The following LURAP1 variants were observed in gnomAD, a reference collection of about 807,000 sequenced individuals.
LURAP1 encodes the protein NF-kappa-B activator C1orf190.
LURAP1 carries 14 observed loss-of-function variants against 19.0 expected under a neutral mutation model. The observed-to-expected ratio is 0.74, with a 90% CI of 0.49 to 1.15. The LOEUF is 1.15. LURAP1 is among the 50% of genes most tolerant of loss of function. The pLI is 0.00. For synonymous variants in LURAP1, 129 were observed against 131.8 expected, an observed-to-expected ratio of 0.98 and a Z score of 0.14; for missense variants, 273 against 309.1, an observed-to-expected ratio of 0.88 and a Z score of 0.87.
intron 1 of LURAP1, among the ~76,000 whole-genome samples, chr1:46,210,699 A>G (rs893648738): frequency 6.6e-6 from 1 of 152,168 alleles, no homozygotes. Flanking sequence ...AGGGGTGCGG[A>G]ACTTCTGTGC....
chr1:46,213,116 T>C (rs1200061875), intron 1 of LURAP1, among the ~76,000 whole-genome samples: 1 of 152,048 alleles, frequency 6.6e-6, no homozygotes, highest in East Asian at 1.9e-4. Context: ...TATGCACATA[T>C]ATATAAACAT....
chr1:46,203,345 G>T lies in LURAP1; in HGVS notation c.-82G>T, dbSNP rs1571679540. ...GGCGGGGACCCACCGGTTTTGCTCC[G>T]CTTTAGCAGCGGCGAAGGGAGGACC... On this transcript the variant is annotated 5_prime_UTR_variant, in exon 1 of 2. Coordinates refer to ENST00000371980, the MANE Select transcript of LURAP1 (RefSeq NM_001013615.3). 1.5e-6 allele frequency: 2 copies of T among 1,333,790 alleles called. No individual in the cohort carries two copies. The highest frequency in any genetic ancestry group is 3.0e-5 in the Admixed American group (1 of 33,804). 82.6% of individuals were successfully genotyped at this position (1,333,790 alleles called of 1,614,324 possible). A position where few individuals can be genotyped will look rare whatever the true frequency, so the allele number is the denominator to read the frequency against.
At chr1:46,205,039 C>G (rs1553165003) in intron 1 of LURAP1, among the ~76,000 whole-genome samples, 1 of 152,154 alleles carries the variant, frequency 6.6e-6, no homozygotes, top group Non-Finnish European at 1.5e-5. Context: ...AGGCAGATCG[C>G]TTGAGCCCAG....
In LURAP1 at chr1:46,219,848, C is replaced by G; in HGVS notation, c.348C>G (p.Gly116=). 2.5e-6 allele frequency: 4 copies of G among 1,614,076 alleles called. No homozygotes were observed. The highest frequency in any genetic ancestry group is 2.5e-6 in the Non-Finnish European group (3 of 1,179,978). ...CCAGCAGTCAATATAGCCTGACAGGCGGGAGCCCAGGCCGCTCAAGGCGAG... is the reference window on the plus strand; with the variant it reads ...CCAGCAGTCAATATAGCCTGACAGGGGGGAGCCCAGGCCGCTCAAGGCGAG... ...SLTSSQYSLT[G]GSPGRSRRGS... The change falls in exon 2 of 2, where the codon GGC becomes GGG. Residue 116 remains glycine, a synonymous_variant. Transcript: ENST00000371980.
chr1:46,214,867 CAA>C (rs5773905), intron 1 of LURAP1, among the ~76,000 whole-genome samples: 8 of 89,514 alleles, frequency 8.9e-5, no homozygotes, highest in African/African-American at 3.9e-4. Context: ...GACTCCATCT[CAA>C]AAAAAAAAAA....
At chr1:46,210,879 A>G (rs771983459) in intron 1 of LURAP1, among the ~76,000 whole-genome samples, 7 of 151,564 alleles carry the variant, frequency 4.6e-5, no homozygotes, top group South Asian at 2.1e-4. Flanking sequence ...GGCTCAATCA[A>G]TCCTCCCAGT....
intron 1 of LURAP1, among the ~76,000 whole-genome samples, chr1:46,214,682 A>T (rs1207271026): frequency 6.6e-6 from 1 of 152,034 alleles, no homozygotes; most frequent in Non-Finnish European, 1.5e-5. Context: ...CCTGACCAAC[A>T]TGGTGAAACC....
chr1:46,220,599 G>A lies in LURAP1; in HGVS notation c.*379G>A, dbSNP rs117034457. ...CATGCACCACCATGCCCAGCTAATTGTTTATTTATTTATTTTTTTTTTGTA... is the reference window on the plus strand; with the variant it reads ...CATGCACCACCATGCCCAGCTAATTATTTATTTATTTATTTTTTTTTTGTA... On this transcript the variant is annotated 3_prime_UTR_variant, in exon 2 of 2. Coordinates refer to ENST00000371980, the MANE Select transcript of LURAP1 (RefSeq NM_001013615.3). 4.0e-3 allele frequency: 654 copies of A among 163,328 alleles called. 23 individuals carry two copies. The East Asian group carries it at 0.091, about 23-fold the overall frequency. 10.1% of individuals were successfully genotyped at this position (163,328 alleles called of 1,614,324 possible).
At position 46,215,376 on chromosome 1, in the gene LURAP1, A is replaced by T. The variant is rs573200492; in HGVS notation, c.199-4323A>T. Among the ~76,000 whole-genome samples, 12 of 152,330 alleles carry T rather than the reference A, an allele frequency of 7.9e-5. No individual in the cohort carries two copies. In the South Asian group the frequency reaches 1.7e-3, roughly 21 times the overall value. ...GGATAATCATCAAAGAAATAATTTT[A>T]AAAAATCTCCCAGAACTGAAGAACG... On this transcript the variant is annotated intron_variant, in intron 1 of 1. Coordinates refer to ENST00000371980, the MANE Select transcript of LURAP1 (RefSeq NM_001013615.3).
intron 1 of LURAP1, 152 bp downstream of exon 1, chr1:46,203,776 G>T: frequency 1.4e-6 from 1 of 720,072 alleles, no homozygotes; most frequent in South Asian, 2.0e-5. Flanking sequence ...CGTAAACGCT[G>T]GGGTGGAGAT....
chr1:46,219,681 C>T lies in LURAP1; in HGVS notation c.199-18C>T, dbSNP rs1377756774. The T allele has an allele frequency of 1.3e-6, 2 of 1,553,406 alleles. No homozygotes were observed. On this transcript the variant is annotated intron_variant, in intron 1 of 1. Coordinates refer to ENST00000371980, the MANE Select transcript of LURAP1 (RefSeq NM_001013615.3). ...CATGCCCCAGAACTGGGACTAATTCCTTCTCCCACTCCCCCAGGCTTACCT... is the reference window on the plus strand; with the variant it reads ...CATGCCCCAGAACTGGGACTAATTCTTTCTCCCACTCCCCCAGGCTTACCT...
intron 1 of LURAP1, among the ~76,000 whole-genome samples, chr1:46,204,755 A>G (rs1433953784): frequency 5.3e-5 from 8 of 152,176 alleles, no homozygotes; most frequent in African/African-American, 2.4e-5. Context: ...CTCCAGAGCA[A>G]GGCTGTGACT....
intron 1 of LURAP1, among the ~76,000 whole-genome samples, chr1:46,207,929 G>A (rs1044726002): frequency 4.0e-5 from 6 of 151,656 alleles, no homozygotes; most frequent in East Asian, 1.9e-4. Flanking sequence ...GTGCAATGGC[G>A]TGATCTCGGC....
rs148007220 is a variant in LURAP1 at position 46,205,247 on chromosome 1, A to G, written c.198+1623A>G. 2.0e-5 allele frequency among the ~76,000 whole-genome samples: 3 copies of G among 152,100 alleles called. No homozygotes were observed. In the East Asian group the frequency reaches 5.8e-4, roughly 29 times the overall value. On this transcript the variant is annotated intron_variant, in intron 1 of 1. Transcript: ENST00000371980. ...CACTCCAGCCTGGGTGACAGAGCTC[A>G]GAGCTAGACCCTGTCTCAAAAAAAG...
intron 1 of LURAP1, among the ~76,000 whole-genome samples, chr1:46,215,364 A>G (rs1009927035): frequency 3.3e-5 from 5 of 152,208 alleles, no homozygotes; most frequent in Admixed American, 1.3e-4. Context: ...TAATCATCAA[A>G]GAAATAATTT....
intron 1 of LURAP1, 37 bp from the exon 2 acceptor site, chr1:46,219,662 C>G (rs769875005): frequency 6.5e-7 from 1 of 1,535,282 alleles, no homozygotes; most frequent in Non-Finnish European, 8.7e-7. Flanking sequence ...AACCCATGCC[C>G]CAGAACTGGG....
chr1:46,203,576 C>T lies in LURAP1; in HGVS notation c.150C>T (p.Ser50=), dbSNP rs1293399791. 2 of 1,579,382 alleles carry T rather than the reference C, an allele frequency of 1.3e-6. No individual in the cohort carries two copies. Among genetic ancestry groups the T allele is most frequent in the East Asian group, 2.3e-5 (1 of 43,102 alleles). The change falls in exon 1 of 2, where the codon AGC becomes AGT. Residue 50 remains serine (S), a synonymous_variant. Transcript: ENST00000371980. ...SGALLLPGAS[S]TGHDLGDKIM... ...CCCTGCTGCTCCCAGGGGCGTCTAG[C>T]ACCGGCCACGACTTGGGGGACAAGA...
At chr1:46,209,043 G>T (rs1419297699) in intron 1 of LURAP1, among the ~76,000 whole-genome samples, 2 of 152,002 alleles carry the variant, frequency 1.3e-5, no homozygotes, top group African/African-American at 4.8e-5. Context: ...ATTTTGTGGG[G>T]GATAGAGTTT....
chr1:46,215,219 C>G (rs1266230011), intron 1 of LURAP1, among the ~76,000 whole-genome samples: 1 of 129,908 alleles, frequency 7.7e-6, no homozygotes, highest in Non-Finnish European at 1.6e-5. Flanking sequence ...CAACAAAACT[C>G]TGTCTCAAAA....
Sources: gnomAD v4.1 joint callset for allele counts (sites outside exome capture counted in the v4.1 genomes callset) on GRCh38, gnomAD v4.1.1 for gene constraint, MANE v1.5 for transcripts, NCBI Gene and HGNC (gene_info 2026-07-23, HGNC 2026-07-21) for gene names.